Variants in KANTR observed in about 807,000 individuals in gnomAD.
KANTR encodes the protein KANTR integral membrane protein, also known as KDM5C adjacent transcript.
chrX:53,141,236 G>A (rs905234698), intron 2 of KANTR, among the ~76,000 whole-genome samples: 3 of 112,154 alleles, frequency 2.7e-5, no homozygotes, highest in South Asian at 7.4e-4. Context: ...CTCTTTGAAC[G>A]TCTTGGTCCA....
At chrX:53,139,842 A>G (rs781875716) in intron 2 of KANTR, among the ~76,000 whole-genome samples, 26 of 110,574 alleles carry the variant, frequency 2.4e-4, no homozygotes, top group Non-Finnish European at 4.5e-4. Flanking sequence ...AAAACAAAAG[A>G]AGGAGGAGGA....
rs1932929046 is a variant in KANTR, at chrX:53,104,845, G to A, written c.-805+5237G>A. Among the ~76,000 whole-genome samples, 3 of 110,378 alleles carry A rather than the reference G, an allele frequency of 2.7e-5. No homozygotes were observed. In the South Asian group the frequency reaches 1.2e-3, roughly 42 times the overall value. ...CAATATGACTAATATTTCTCTGAAC[G>A]TGGAGTGGAATTGCTGTCATATGGT... On this transcript the variant is annotated intron_variant, in intron 2 of 2. Coordinates refer to ENST00000604062, the Ensembl canonical transcript of KANTR.
At chrX:53,116,435 G>T (rs1556814571) in intron 2 of KANTR, among the ~76,000 whole-genome samples, 2 of 112,145 alleles carry the variant, frequency 1.8e-5, no homozygotes. Flanking sequence ...TATATGCACA[G>T]CCCTTTAGAT....
chrX:53,106,063 T>C lies in KANTR; in HGVS notation c.-805+6455T>C, dbSNP rs902809967. 6.7e-5 allele frequency among the ~76,000 whole-genome samples: 7 copies of C among 104,503 alleles called. No individual in the cohort carries two copies. In the South Asian group the frequency reaches 1.7e-3, roughly 25 times the overall value. The allele number at this position is 104,503 out of a possible 115,157, so 90.7% of individuals were successfully genotyped here. On this transcript the variant is annotated intron_variant, in intron 2 of 2. Coordinates refer to ENST00000604062, the Ensembl canonical transcript of KANTR. ...TAGTAGAGACGGGGTTTCACCGTGTTAGCCAGGATGGTCTCGATCTCCTGA... is the reference window on the plus strand; with the variant it reads ...TAGTAGAGACGGGGTTTCACCGTGTCAGCCAGGATGGTCTCGATCTCCTGA...
intron 1 of KANTR, among the ~76,000 whole-genome samples, chrX:53,095,552 A>G (rs1249469731): frequency 2.7e-5 from 3 of 110,708 alleles, no homozygotes; most frequent in African/African-American, 9.9e-5. Flanking sequence ...AACCAATATA[A>G]TGCCCTAATT....
chrX:53,106,047 C>T (rs1932949907), intron 2 of KANTR, among the ~76,000 whole-genome samples: 1 of 103,073 alleles, frequency 9.7e-6, no homozygotes, highest in African/African-American at 3.7e-5. Flanking sequence ...TTAGTAGAGA[C>T]GGGGTTTCAC....
At chrX:53,146,886 G>A (rs1933584221), downstream of KANTR, among the ~76,000 whole-genome samples, 2 of 111,470 alleles carry the variant, frequency 1.8e-5, no homozygotes, top group Admixed American at 1.9e-4. Flanking sequence ...AAGTGAAGGA[G>A]AAATAAAATC....
intron 2 of KANTR, among the ~76,000 whole-genome samples, chrX:53,108,936 G>A (rs980506893): frequency 2.7e-5 from 3 of 110,962 alleles, no homozygotes; most frequent in African/African-American, 9.8e-5. Flanking sequence ...TCCTAGATTC[G>A]AGCAGTCCTT....
chrX:53,144,563 G>A (rs1438239461), downstream of KANTR, among the ~76,000 whole-genome samples: 2 of 111,250 alleles, frequency 1.8e-5, no homozygotes, highest in African/African-American at 6.5e-5. Flanking sequence ...GGGCATGGTG[G>A]TACATGCCTA....
At chrX:53,123,519 TA>T (rs1291608439) in exon 3 of KANTR, 1 of 111,436 alleles carries the variant, frequency 9.0e-6, no homozygotes, top group African/African-American at 3.3e-5. Flanking sequence ...TGGATACCAT[TA>T]AAAGGGCTCA....
At chrX:53,120,461 C>T (rs1221760961) in intron 2 of KANTR, among the ~76,000 whole-genome samples, 1 of 111,665 alleles carries the variant, frequency 9.0e-6, no homozygotes, top group Non-Finnish European at 1.9e-5. Context: ...AGCCTCCCTC[C>T]CTAAGAGCCT....
chrX:53,098,066 A>AG (rs1415563652), intron 1 of KANTR, among the ~76,000 whole-genome samples: 32 of 107,642 alleles, frequency 3.0e-4, no homozygotes, highest in Non-Finnish European at 1.2e-4. Flanking sequence ...AAAAAAAAAA[A>AG]AAAAGAAAGA....
At chrX:53,142,885 T>C (rs1933523326), downstream of KANTR, 5 of 541,994 alleles carry the variant, frequency 9.2e-6, no homozygotes, top group Admixed American at 1.2e-4. Flanking sequence ...CCACATCTGC[T>C]GGAAGGTGGA....
exon 3 of KANTR, chrX:53,124,350 A>G (rs1602123710): frequency 3.4e-6 from 1 of 296,782 alleles, no homozygotes; most frequent in African/African-American, 2.7e-5. Flanking sequence ...CCAGAGGTTT[A>G]TCTATTTTAT....
intron 2 of KANTR, among the ~76,000 whole-genome samples, chrX:53,138,910 A>G (rs1322592242): frequency 4.5e-5 from 5 of 110,349 alleles, no homozygotes; most frequent in African/African-American, 1.3e-4. Context: ...TCCTCATGAC[A>G]TGTACAAAAA....
chrX:53,111,014 T>C (rs1348970012), intron 2 of KANTR, among the ~76,000 whole-genome samples: 1 of 108,630 alleles, frequency 9.2e-6, no homozygotes, highest in Non-Finnish European at 1.9e-5. Context: ...TTTATAAATT[T>C]TATTTATTTA....
chrX:53,106,693 A>G (rs1185888344), intron 2 of KANTR, among the ~76,000 whole-genome samples: 5 of 110,768 alleles, frequency 4.5e-5, no homozygotes, highest in Non-Finnish European at 9.4e-5. Flanking sequence ...TACTGTACCC[A>G]GCCCATTTTG....
downstream of KANTR, among the ~76,000 whole-genome samples, chrX:53,146,423 C>T (rs782381311): frequency 1.6e-4 from 18 of 110,993 alleles, no homozygotes; most frequent in East Asian, 8.5e-4. Flanking sequence ...TGAAATGAAG[C>T]GAGAAGAGAA....
intron 2 of KANTR, among the ~76,000 whole-genome samples, chrX:53,113,601 C>G (rs781951155): frequency 1.2e-5 from 1 of 85,834 alleles, no homozygotes; most frequent in African/African-American, 4.5e-5. Flanking sequence ...GGTGGAGTCT[C>G]GCTCTGTCAC....
Sources: gnomAD v4.1 joint callset for allele counts (sites outside exome capture counted in the v4.1 genomes callset) on GRCh38, gnomAD v4.1.1 for gene constraint, MANE v1.5 for transcripts, NCBI Gene and HGNC (gene_info 2026-07-23, HGNC 2026-07-21) for gene names.